The following CST1 variants were observed in gnomAD, a reference collection of about 807,000 sequenced individuals.
CST1 encodes cystatin-SN.
Under a neutral mutation model 10.7 loss-of-function variants are expected in CST1, and 19 were observed. The observed-to-expected ratio is 1.78, with a 90% CI of 1.24 to 2.61. The LOEUF is 2.61. CST1 is among the 30% of genes most tolerant of loss of function. CST1 has a pLI of 0.00. For missense variants in CST1, 247 were observed against 178.1 expected (o/e 1.39, Z -2.20); for synonymous variants, 95 against 72.8 (o/e 1.31, Z -1.55).
Position 23,747,664 on chromosome 20 carries a change from C to G in CST1, c.*152G>C. The G allele has an allele frequency of 1.5e-6, 1 of 683,580 alleles. No homozygotes were observed. The highest frequency in any genetic ancestry group is 2.7e-5 in the East Asian group (1 of 36,902). The allele number at this position is 683,580 out of a possible 1,614,324, so 42.3% of individuals were successfully genotyped here. A position where few individuals can be genotyped will look rare whatever the true frequency, so the allele number is the denominator to read the frequency against. On this transcript the variant is annotated 3_prime_UTR_variant, in exon 3 of 3. Transcript: ENST00000304749. The stretch of plus-strand genomic sequence containing the variant: ...AGGGAGGGCAGAGCGCCCTGCTGAG[C>G]AACAAAGGACTCCTGCAGCCTTCTC...
chr20:23,750,101 A>G (rs1482070313), intron 1 of CST1, among the ~76,000 whole-genome samples: 6 of 151,764 alleles, frequency 4.0e-5, no homozygotes, highest in African/African-American at 1.2e-4. Context: ...CTGAGGTCTA[A>G]CTGCATCAGC....
rs1167007477 is a variant in CST1, at chr20:23,749,129, T to G, written c.229A>C (p.Thr77Pro). ...PLRVLRARQQ[T>P]VGGVNYFFDV... ...AAGAAGTAATTCACCCCCCCAACGG[T>G]CTGCACACAGGAGAAAACAGGACAG... Residue 77 changes from threonine (T) to proline (P), a missense_variant and splice_region_variant, in exon 2 of 3, where the codon ACC becomes CCC. Thr to Pro is a conservative substitution (Grantham distance 38). Coordinates refer to ENST00000304749, the MANE Select transcript of CST1 (RefSeq NM_001898.3). 2 of 1,613,970 alleles carry G rather than the reference T, an allele frequency of 1.2e-6. No individual in the cohort carries two copies. The highest frequency in any genetic ancestry group is 1.7e-6 in the Non-Finnish European group (2 of 1,180,014).
chr20:23,749,207 G>C, intron 1 of CST1, 78 bp from the exon 2 acceptor site: 2 of 1,184,162 alleles, frequency 1.7e-6, no homozygotes, highest in Non-Finnish European at 2.5e-6. Context: ...TGAGTCACTG[G>C]ACTTGCTTGG....
Position 23,750,666 on chromosome 20 carries a change from C to A in CST1, c.201G>T (p.Pro67=), listed in dbSNP as rs766339492. 1 of 1,613,892 alleles carries A rather than the reference C, an allele frequency of 6.2e-7. No individual in the cohort carries two copies. Among genetic ancestry groups the A allele is most frequent in the African/African-American group, 1.3e-5 (1 of 75,026 alleles). Residue 67 remains proline (P), a synonymous_variant, in exon 1 of 3, where the codon CCG becomes CCT. Transcript: ENST00000304749. ...KATKDDYYRR[P]LRVLRARQQT... Reference sequence around the variant, plus strand: ...GTTGCCTGGCTCTTAGTACCCGCAGCGGACGTCTGTAGTAGTCATCTTTGG... The same window carrying A: ...GTTGCCTGGCTCTTAGTACCCGCAGAGGACGTCTGTAGTAGTCATCTTTGG...
chr20:23,748,183 C>A (rs1982721124), intron 2 of CST1, among the ~76,000 whole-genome samples: 1 of 152,068 alleles, frequency 6.6e-6, no homozygotes, highest in Non-Finnish European at 1.5e-5. Flanking sequence ...GCCTCGGGAG[C>A]CCCAAGGGTG....
chr20:23,749,855 G>A (rs1417865458), intron 1 of CST1, among the ~76,000 whole-genome samples: 3 of 149,868 alleles, frequency 2.0e-5, no homozygotes, highest in African/African-American at 4.9e-5. Context: ...CACGGCACCA[G>A]GGAGTGTATC....
At chr20:23,748,279 C>T (rs1328507134) in intron 2 of CST1, among the ~76,000 whole-genome samples, 1 of 152,096 alleles carries the variant, frequency 6.6e-6, no homozygotes, top group African/African-American at 2.4e-5. Context: ...GAGGGAAGAA[C>T]CCAGGGCAGG....
intron 1 of CST1, among the ~76,000 whole-genome samples, chr20:23,749,732 G>C (rs1982777266): frequency 6.6e-6 from 1 of 151,904 alleles, no homozygotes; most frequent in Admixed American, 6.6e-5. Context: ...GATCCCTCGA[G>C]TGTCAGTTTA....
Position 23,748,869 on chromosome 20 carries a change from C to A in CST1, c.342+147G>T, listed in dbSNP as rs540376777. On this transcript the variant is annotated intron_variant, in intron 2 of 2. Transcript: ENST00000304749. The stretch of plus-strand genomic sequence containing the variant: ...CTACATGCACACCCCCCCATAAGTA[C>A]ATGAACACGTACACATCCATGCATA... 85 of 643,098 alleles carry A rather than the reference C, an allele frequency of 1.3e-4. No individual in the cohort carries two copies. In the African/African-American group the frequency reaches 1.4e-3, roughly 11 times the overall value. The allele number at this position is 643,098 out of a possible 1,614,324, so 39.8% of individuals were successfully genotyped here.
rs756141192 is a variant in CST1 at position 23,750,612 on chromosome 20, G to T, written c.228+27C>A. 2.5e-6 allele frequency: 4 copies of T among 1,609,150 alleles called. No individual in the cohort carries two copies. In the South Asian group the frequency reaches 3.3e-5, roughly 13 times the overall value. On this transcript the variant is annotated intron_variant, in intron 1 of 2. Transcript: ENST00000304749. ...GGGAACAAACCAGGCTGGGACCCAG[G>T]ACCCCTGGGGTGGAGGGAGCACCTA...
intron 2 of CST1, among the ~76,000 whole-genome samples, chr20:23,748,729 G>A (rs1397701397): frequency 1.8e-4 from 27 of 151,908 alleles, no homozygotes; most frequent in Admixed American, 1.7e-3. Context: ...ATGGATCTAT[G>A]TACAAAGCCC....
At chr20:23,748,995 G>C in intron 2 of CST1, 21 bp downstream of exon 2, 3 of 1,614,058 alleles carry the variant, frequency 1.9e-6, no homozygotes, top group Non-Finnish European at 2.5e-6. Flanking sequence ...GACTGGCCCG[G>C]GACCTGCATC....
Position 23,750,932 on chromosome 20 carries a change from G to C in CST1, c.-66C>G. The C allele has an allele frequency of 2.2e-6, 3 of 1,371,092 alleles. No homozygotes were observed. The South Asian group carries it at 4.0e-5, about 18-fold the overall frequency. 84.9% of individuals were successfully genotyped at this position (1,371,092 alleles called of 1,614,324 possible). A position where few individuals can be genotyped will look rare whatever the true frequency, so the allele number is the denominator to read the frequency against. ...GAGGAGGGTGAGAGCCCGAGGCAGG[G>C]AGCCCAGACCAGCAGGCAGGTGTGC... On this transcript the variant is annotated 5_prime_UTR_variant, in exon 1 of 3. Coordinates refer to ENST00000304749, the MANE Select transcript of CST1 (RefSeq NM_001898.3).
Position 23,747,816 on chromosome 20 carries a change from C to G in CST1, c.426G>C (p.Ter142TyrextTer80). The G allele has an allele frequency of 6.2e-7, 1 of 1,613,772 alleles. No individual in the cohort carries two copies. Among genetic ancestry groups the G allele is most frequent in the Non-Finnish European group, 8.5e-7 (1 of 1,179,708 alleles). ...GGTGCGAATGGCCTGGCACAGATCCCTAGGATTCTTGACACCTGGATTTCA... is the reference window on the plus strand; with the variant it reads ...GGTGCGAATGGCCTGGCACAGATCCGTAGGATTCTTGACACCTGGATTTCA... ...SLVKSRCQES[*>Y] Residue 142 changes from the stop codon to tyrosine, a stop_lost, in exon 3 of 3, where the codon TAG becomes TAC. Coordinates refer to ENST00000304749, the MANE Select transcript of CST1 (RefSeq NM_001898.3).
intron 1 of CST1, among the ~76,000 whole-genome samples, chr20:23,750,116 A>T (rs1982788501): frequency 6.6e-6 from 1 of 151,964 alleles, no homozygotes; most frequent in South Asian, 2.1e-4. Flanking sequence ...ATCAGCTGGT[A>T]GAGGCAGGGT....
intron 2 of CST1, 30 bp downstream of exon 2, chr20:23,748,986 A>T (rs1982752137): frequency 6.2e-7 from 1 of 1,613,790 alleles, no homozygotes; most frequent in South Asian, 1.1e-5. Flanking sequence ...GCAGTGCATG[A>T]CTGGCCCGGG....
intron 2 of CST1, among the ~76,000 whole-genome samples, chr20:23,748,773 C>G (rs117743070): frequency 0.019 from 2,914 of 152,184 alleles, 47 homozygotes; most frequent in Middle Eastern, 0.034. Context: ...CACAGGCACA[C>G]ATGCTCCCAT....
rs1357139225 is a variant in CST1, at chr20:23,750,672, T to C, written c.195A>G (p.Arg65=). The change falls in exon 1 of 3, where the codon AGA becomes AGG. Residue 65 remains arginine (R), a synonymous_variant. Coordinates refer to ENST00000304749, the MANE Select transcript of CST1 (RefSeq NM_001898.3). ...TGGCTCTTAGTACCCGCAGCGGACG[T>C]CTGTAGTAGTCATCTTTGGTGGCCT... ...YNKATKDDYY[R]RPLRVLRARQ... 6.2e-6 allele frequency: 10 copies of C among 1,613,848 alleles called. No individual in the cohort carries two copies. The African/African-American group carries it at 1.2e-4, about 19-fold the overall frequency.
intron 2 of CST1, 25 bp downstream of exon 2, chr20:23,748,991 C>G (rs1982752430): frequency 6.2e-7 from 1 of 1,613,894 alleles, no homozygotes; most frequent in Non-Finnish European, 8.5e-7. Context: ...GCATGACTGG[C>G]CCGGGACCTG....
Sources: allele counts gnomAD v4.1 joint callset (sites outside exome capture counted in the v4.1 genomes callset), GRCh38; gene constraint gnomAD v4.1.1; transcripts MANE v1.5; gene names NCBI Gene and HGNC (gene_info 2026-07-23, HGNC 2026-07-21).